Variants in TDRKH observed in about 807,000 individuals in gnomAD.
TDRKH encodes tudor and KH domain-containing protein.
In TDRKH, 28 loss-of-function variants were observed where a neutral mutation model predicts 61.3. The ratio of observed to expected loss-of-function variants is 0.46; its 90% CI spans 0.34 to 0.63. TDRKH has a LOEUF of 0.63. Among genes scored for constraint, TDRKH ranks in the 20% least tolerant of loss-of-function variants. TDRKH has a pLI of 0.01. For missense variants in TDRKH, 540 were observed against 683.4 expected, an observed-to-expected ratio of 0.79 and a Z score of 2.34; for synonymous variants, 219 against 244.4, an observed-to-expected ratio of 0.90 and a Z score of 0.97.
chr1:151,772,226 A>G (rs1047263305), downstream of TDRKH, among the ~76,000 whole-genome samples: 2 of 151,886 alleles, frequency 1.3e-5, no homozygotes, highest in Admixed American at 1.3e-4. Flanking sequence ...TCAGCCTCTC[A>G]AGTAGCTAGG....
At chr1:151,767,392 C>A (rs150937972), downstream of TDRKH, 754 of 1,539,866 alleles carry the variant, frequency 4.9e-4, 11 homozygotes, top group East Asian at 8.9e-3. Context: ...AGATGAATTA[C>A]AGAGGTAGAT....
At position 151,776,214 on chromosome 1, in the gene TDRKH, T is replaced by C. The variant is rs1353774881; in HGVS notation, c.1099A>G (p.Asn367Asp). ...ACCCGGGCTCGATACCAGGAACCAT[T>C]TGTAGGTAAAGGTGCTGCTACAATG... Reference protein sequence around the residue: ...GDIVAAPLPTNGSWYRARVLG... With the variant: ...GDIVAAPLPTDGSWYRARVLG... Residue 367 changes from asparagine (N) to aspartate (D), a missense_variant, in exon 8 of 13, where the codon AAT (asparagine) becomes GAT (aspartate). Physicochemically the swap from Asn to Asp is conservative, Grantham distance 23 (BLOSUM62 1). Coordinates refer to ENST00000368824, the MANE Select transcript of TDRKH (RefSeq NM_001083965.2). The C allele has an allele frequency of 5.0e-6, 8 of 1,614,164 alleles. No individual in the cohort carries two copies. The South Asian group carries it at 8.8e-5, about 18-fold the overall frequency.
At chr1:151,785,815 G>C (rs1558150107) in intron 1 of TDRKH, among the ~76,000 whole-genome samples, 1 of 152,034 alleles carries the variant, frequency 6.6e-6, no homozygotes, top group Admixed American at 6.5e-5. Context: ...CTGGTAGAAA[G>C]TACTGTAGGT....
Position 151,780,111 on chromosome 1 carries a change from A to G in TDRKH, c.261T>C (p.Asp87=), listed in dbSNP as rs369702272. The G allele has an allele frequency of 1.5e-4, 236 of 1,613,150 alleles. No homozygotes were observed. Among genetic ancestry groups the G allele is most frequent in the Non-Finnish European group, 1.9e-4 (220 of 1,179,262 alleles). The change falls in exon 4 of 13, where the codon GAT becomes GAC. Residue 87 remains aspartate (D), a synonymous_variant. Coordinates refer to ENST00000368824, the MANE Select transcript of TDRKH (RefSeq NM_001083965.2). ...CATCGCCTACATCCTCTGTGTCCAC[A>G]TCAATCCGAGCACCTGTCTGTTTCC... is the stretch of plus-strand genomic sequence containing the variant. ...QLRKQTGARI[D]VDTEDVGDER... is the part of the protein sequence containing the mutation.
chr1:151,772,360 G>A (rs1284467624), downstream of TDRKH, among the ~76,000 whole-genome samples: 1 of 151,996 alleles, frequency 6.6e-6, no homozygotes, highest in Non-Finnish European at 1.5e-5. Flanking sequence ...CCAAAGTGTT[G>A]GGATTATAGG....
chr1:151,781,599 AT>A lies in TDRKH; in HGVS notation c.125-13del, dbSNP rs1379808599. 2 of 1,611,128 alleles carry A rather than the reference AT, an allele frequency of 1.2e-6. No homozygotes were observed. The highest frequency in any genetic ancestry group is 1.7e-6 in the Non-Finnish European group (2 of 1,178,252). ...TGTCAGCCGCTCTTCTGCACAGATC[AT>A]TGTTCATCAGATCAGACTTAGATAA... On this transcript the variant is annotated splice_polypyrimidine_tract_variant and intron_variant, in intron 2 of 12. Transcript: ENST00000368824.
intron 1 of TDRKH, among the ~76,000 whole-genome samples, chr1:151,787,806 T>TAA (rs1380990038): frequency 3.9e-5 from 2 of 50,866 alleles, no homozygotes; most frequent in African/African-American, 1.9e-4. Context: ...ACTCTGTTTC[T>TAA]ACAAAAAAAA....
chr1:151,772,279 T>TTTTGG (rs200063424), downstream of TDRKH, among the ~76,000 whole-genome samples: 150,043 of 152,050 alleles, frequency 0.99, 74,066 homozygotes, highest in East Asian at 1. Context: ...TTTTTTGTAT[T>TTTTGG]TACGGGTTTC....
chr1:151,779,851 T>G, intron 4 of TDRKH, 100 bp downstream of exon 4: 5 of 1,251,426 alleles, frequency 4.0e-6, no homozygotes, highest in Non-Finnish European at 5.5e-6. Flanking sequence ...TCCCCTCACA[T>G]GGTGAAGGGG....
chr1:151,780,201 C>T (rs1558144809), intron 3 of TDRKH, 61 bp from the exon 4 acceptor site: 1 of 1,564,282 alleles, frequency 6.4e-7, no homozygotes, highest in South Asian at 1.2e-5. Context: ...AGCCCAGCTA[C>T]AGACACTCTA....
Position 151,790,370 on chromosome 1 carries a change from C to G in TDRKH, c.-28+10G>C, listed in dbSNP as rs1009482109. On this transcript the variant is annotated intron_variant, in intron 1 of 12. Transcript: ENST00000368824. ...GCTGCCCATGACCCTGTCTTTCCCA[C>G]TCCCCAAACCTTCGGTCTCCATCCT... The G allele has an allele frequency of 6.6e-6, 1 of 152,584 alleles. No homozygotes were observed. Among genetic ancestry groups the G allele is most frequent in the African/African-American group, 2.4e-5 (1 of 41,462 alleles). 9.5% of individuals were successfully genotyped at this position (152,584 alleles called of 1,614,324 possible).
chr1:151,780,115 A>G lies in TDRKH; in HGVS notation c.257T>C (p.Ile86Thr). The G allele has an allele frequency of 6.2e-7, 1 of 1,612,886 alleles. No individual in the cohort carries two copies. Among genetic ancestry groups the G allele is most frequent in the Non-Finnish European group, 8.5e-7 (1 of 1,178,972 alleles). The stretch of plus-strand genomic sequence containing the variant: ...GCCTACATCCTCTGTGTCCACATCA[A>G]TCCGAGCACCTGTCTGTTTCCGCAG... Reference protein sequence around the residue: ...KQLRKQTGARIDVDTEDVGDE... With the variant: ...KQLRKQTGARTDVDTEDVGDE... The change falls in exon 4 of 13, where the codon ATT becomes ACT. Residue 86 changes from isoleucine to threonine, a missense_variant. Ile to Thr is a moderately conservative substitution (Grantham distance 89). Coordinates refer to ENST00000368824, the MANE Select transcript of TDRKH (RefSeq NM_001083965.2).
intron 1 of TDRKH, among the ~76,000 whole-genome samples, chr1:151,789,237 C>T (rs911220059): frequency 6.6e-6 from 1 of 152,178 alleles, no homozygotes; most frequent in African/African-American, 2.4e-5. Flanking sequence ...TCAAACATTA[C>T]AAATGAATTT....
At chr1:151,789,658 A>G (rs1044239189) in intron 1 of TDRKH, among the ~76,000 whole-genome samples, 2 of 152,228 alleles carry the variant, frequency 1.3e-5, no homozygotes, top group African/African-American at 4.8e-5. Context: ...AAATGACAGG[A>G]GTCAAATAGG....
At chr1:151,776,026 TGCCAACA>T in intron 8 of TDRKH, 63 bp downstream of exon 8, 11 of 1,576,522 alleles carry the variant, frequency 7.0e-6, no homozygotes, top group Non-Finnish European at 9.5e-6. Context: ...CCCTGACAAC[TGCCAACA>T]GCTCACCACC....
At chr1:151,772,093 G>A, downstream of TDRKH, 1 of 396,146 alleles carries the variant, frequency 2.5e-6, no homozygotes, top group Non-Finnish European at 4.4e-6. Flanking sequence ...TTGGGACTGA[G>A]ATTTTTCTTT....
chr1:151,787,968 AGAGC>A (rs1332752639), intron 1 of TDRKH, among the ~76,000 whole-genome samples: 1 of 152,126 alleles, frequency 6.6e-6, no homozygotes, highest in Non-Finnish European at 1.5e-5. Context: ...CCTGGGCAAC[AGAGC>A]GAGAATTTGT....
intron 6 of TDRKH, among the ~76,000 whole-genome samples, chr1:151,778,345 A>T (rs929221753): frequency 3.3e-5 from 5 of 152,208 alleles, no homozygotes; most frequent in Admixed American, 6.5e-5. Flanking sequence ...CTCAAGAAAG[A>T]AGTAGTTCAG....
intron 1 of TDRKH, among the ~76,000 whole-genome samples, chr1:151,788,696 A>G (rs12756855): frequency 0.41 from 61,837 of 152,034 alleles, 13,484 homozygotes; most frequent in Non-Finnish European, 0.5. Context: ...AGTGTGCAAT[A>G]GAAATAAGTC....
Sources: allele counts gnomAD v4.1 joint callset (sites outside exome capture counted in the v4.1 genomes callset), GRCh38; gene constraint gnomAD v4.1.1; transcripts MANE v1.5; gene names NCBI Gene and HGNC (gene_info 2026-07-23, HGNC 2026-07-21).